INSR: variants seen among roughly 807,000 people sequenced by gnomAD.
INSR encodes insulin receptor.
INSR carries 67 observed loss-of-function variants against 142.6 expected under a neutral mutation model. The ratio of observed to expected loss-of-function variants is 0.47; its 90% confidence interval spans 0.39 to 0.58. The LOEUF is 0.58. Ranked by LOEUF, INSR falls within the 20% of genes least tolerant of loss-of-function variation. The pLI is 0.00. For missense variants in INSR, 1,248 were observed against 1,833.2 expected, an observed-to-expected ratio of 0.68 and a Z score of 5.83; for synonymous variants, 756 against 743.1, an observed-to-expected ratio of 1.02 and a Z score of -0.28.
chr19:7,153,316 C>CA (rs1973476408), intron 9 of INSR, among the ~76,000 whole-genome samples: 6 of 80,316 alleles, frequency 7.5e-5, no homozygotes, highest in East Asian at 5.4e-4. Context: ...ACAAATCACA[C>CA]ACACACCACA....
intron 1 of INSR, among the ~76,000 whole-genome samples, chr19:7,269,888 T>C (rs923373549): frequency 6.6e-6 from 1 of 152,166 alleles, no homozygotes; most frequent in Non-Finnish European, 1.5e-5. Flanking sequence ...AGGATAAGTA[T>C]ATCCCATGTA....
chr19:7,202,966 G>A (rs1287382525), intron 2 of INSR, among the ~76,000 whole-genome samples: 1 of 146,036 alleles, frequency 6.8e-6, no homozygotes, highest in Non-Finnish European at 1.5e-5. Context: ...TGCTTTTTTG[G>A]AATGTATTGG....
At chr19:7,122,447 A>G (rs2144804172) in intron 19 of INSR, 167 bp downstream of exon 19, 1 of 760,584 alleles carries the variant, frequency 1.3e-6, no homozygotes, top group East Asian at 2.7e-5. Context: ...ACTCCGTCTC[A>G]AAAACAAAAA....
intron 14 of INSR, 24 bp from the exon 15 acceptor site, chr19:7,128,978 T>C (rs772244562): frequency 5.8e-6 from 9 of 1,538,946 alleles, no homozygotes; most frequent in Admixed American, 3.3e-5. Context: ...AGAAAATATA[T>C]GTTTCATATC....
At chr19:7,185,562 G>T (rs1360039772) in intron 2 of INSR, among the ~76,000 whole-genome samples, 2 of 152,130 alleles carry the variant, frequency 1.3e-5, no homozygotes, top group Non-Finnish European at 1.5e-5. Flanking sequence ...TGCAAATGTG[G>T]CTCGGTGTGG....
intron 2 of INSR, among the ~76,000 whole-genome samples, chr19:7,230,116 C>T (rs969807246): frequency 4.6e-5 from 7 of 151,984 alleles, no homozygotes; most frequent in East Asian, 1.9e-4. Flanking sequence ...ATATTGTTCT[C>T]GGCCACATTC....
intron 2 of INSR, among the ~76,000 whole-genome samples, chr19:7,231,361 T>C (rs1600066896): frequency 6.8e-6 from 1 of 148,080 alleles, no homozygotes; most frequent in African/African-American, 2.5e-5. Context: ...AGTGCGGTGG[T>C]GTGATCTCTG....
chr19:7,239,519 C>G (rs1976273380), intron 2 of INSR, among the ~76,000 whole-genome samples: 2 of 152,084 alleles, frequency 1.3e-5, no homozygotes, highest in Non-Finnish European at 1.5e-5. Context: ...TCACAGCCAC[C>G]TTGGAGACCA....
chr19:7,220,982 TAAG>T (rs1975592570), intron 2 of INSR, among the ~76,000 whole-genome samples: 1 of 152,044 alleles, frequency 6.6e-6, no homozygotes, highest in South Asian at 2.1e-4. Flanking sequence ...GGTGGTTTTA[TAAG>T]AAGAGGAAGA....
chr19:7,233,644 G>A (rs768429280), intron 2 of INSR, among the ~76,000 whole-genome samples: 3 of 144,494 alleles, frequency 2.1e-5, no homozygotes, highest in African/African-American at 5.1e-5. Context: ...AAAGCTAAAC[G>A]TCTTTTGTTT....
In INSR at chr19:7,272,479, G is replaced by A. The variant is rs146357436; in HGVS notation, c.101-4583C>T. ...CTAAAAATACAAAAATTAGCTGGGC[G>A]GGGTGGCGCATGCCTGTAATCCCAG... On this transcript the variant is annotated intron_variant, in intron 1 of 21. Transcript: ENST00000302850. Among the ~76,000 whole-genome samples, 564 of 151,894 alleles carry A rather than the reference G, an allele frequency of 3.7e-3. 2 individuals carry two copies. Among genetic ancestry groups the A allele is most frequent in the Non-Finnish European group, 5.6e-3 (380 of 67,960 alleles).
chr19:7,199,925 A>G (rs1599999857), intron 2 of INSR, among the ~76,000 whole-genome samples: 1 of 151,814 alleles, frequency 6.6e-6, no homozygotes, highest in Middle Eastern at 3.4e-3. Flanking sequence ...ATCTTGTAGG[A>G]AAAAAAAAAT....
intron 4 of INSR, 66 bp from the exon 5 acceptor site, chr19:7,172,500 A>C: frequency 1.3e-6 from 2 of 1,547,090 alleles, no homozygotes; most frequent in Non-Finnish European, 1.8e-6. Flanking sequence ...ATGATTCTCC[A>C]TGGTGAGAAG....
In INSR at chr19:7,142,924, A is replaced by G. The variant is rs750587365; in HGVS notation, c.2434T>C (p.Leu812=). 6.2e-7 allele frequency: 1 copy of G among 1,614,032 alleles called. No individual in the cohort carries two copies. Among genetic ancestry groups the G allele is most frequent in the Non-Finnish European group, 8.5e-7 (1 of 1,180,040 alleles). The change falls in exon 12 of 22, where the codon TTG becomes CTG. Residue 812 remains leucine, a synonymous_variant. Transcript: ENST00000302850. The part of the protein sequence containing the change: ...VNKESLVISG[L]RHFTGYRIEL... ...ATGCGATAGCCCGTGAAGTGTCGCA[A>G]GCCGGAGATGACCAGCGACTCCTTG...
chr19:7,242,323 T>C (rs1976379583), intron 2 of INSR, among the ~76,000 whole-genome samples: 1 of 151,316 alleles, frequency 6.6e-6, no homozygotes, highest in South Asian at 2.1e-4. Context: ...GTACTATGGC[T>C]GTTTCTGAAT....
intron 2 of INSR, among the ~76,000 whole-genome samples, chr19:7,197,661 T>C (rs190598221): frequency 0.03 from 3,738 of 123,544 alleles, 373 homozygotes; most frequent in Non-Finnish European, 0.044. Flanking sequence ...TGTGTGTGTG[T>C]GTTTGGCAGG....
chr19:7,162,364 T>G, intron 9 of INSR, among the ~76,000 whole-genome samples: 2 of 142,504 alleles, frequency 1.4e-5, no homozygotes, highest in South Asian at 2.2e-4. Context: ...CTGGGCATGC[T>G]GGTGCACACC....
At chr19:7,161,647 C>T (rs1292494100) in intron 9 of INSR, among the ~76,000 whole-genome samples, 1 of 152,128 alleles carries the variant, frequency 6.6e-6, no homozygotes, top group Admixed American at 6.6e-5. Flanking sequence ...GGCCAAAATC[C>T]TTCCCTGACT....
chr19:7,208,333 C>T (rs904720704), intron 2 of INSR, among the ~76,000 whole-genome samples: 1 of 122,148 alleles, frequency 8.2e-6, no homozygotes, highest in Non-Finnish European at 1.7e-5. Flanking sequence ...CTATCTGTTT[C>T]CTCAGCCTAT....
Sources: allele counts gnomAD v4.1 joint callset (sites outside exome capture counted in the v4.1 genomes callset), GRCh38; gene constraint gnomAD v4.1.1; transcripts MANE v1.5; gene names NCBI Gene and HGNC (gene_info 2026-07-23, HGNC 2026-07-21).